The following ABCG2 variants were observed in gnomAD, a reference collection of about 807,000 sequenced individuals.
The protein encoded by ABCG2 is broad substrate specificity ATP-binding cassette transporter ABCG2.
In ABCG2, 80 loss-of-function variants were observed where a neutral mutation model predicts 73.5. The ratio of observed to expected loss-of-function variants is 1.09; its 90% CI spans 0.91 to 1.31. The LOEUF (loss-of-function observed/expected upper bound fraction) is 1.31, where lower values mean the gene tolerates loss of function less well. Among genes scored for constraint, ABCG2 ranks in the 50% most tolerant of loss-of-function variants. ABCG2 has a pLI of 0.00. For missense variants in ABCG2, 796 were observed against 786.2 expected (o/e 1.01, Z -0.15); for synonymous variants, 269 against 282.4 (o/e 0.95, Z 0.48).
upstream of ABCG2, chr4:88,163,575 C>A: frequency 6.0e-6 from 1 of 165,294 alleles, no homozygotes; most frequent in East Asian, 1.7e-4. Context: ...TTGGGCCAGG[C>A]AGAATGGCTC....
chr4:88,186,685 C>T (rs1057067991), intron 1 of ABCG2, among the ~76,000 whole-genome samples: 32 of 151,012 alleles, frequency 2.1e-4, no homozygotes, highest in African/African-American at 2.9e-4. Context: ...TTTGGGAGGC[C>T]GAGGCGGGCG....
Position 88,102,553 on chromosome 4 carries a change from G to A in ABCG2, c.1278-1234C>T, listed in dbSNP as rs530447382. Among the ~76,000 whole-genome samples the A allele has an allele frequency of 2.1e-3, 308 of 149,702 alleles. 3 individuals carry two copies. The Middle Eastern group carries it at 0.034, about 17-fold the overall frequency. On this transcript the variant is annotated intron_variant, in intron 10 of 15. Transcript: ENST00000237612. ...GGAGGTTGCAGTGAGCTGAGATCGCGCCACTGCACTCCAGCCTGGGTGACA... is the reference window on the plus strand; with the variant it reads ...GGAGGTTGCAGTGAGCTGAGATCGCACCACTGCACTCCAGCCTGGGTGACA...
chr4:88,179,076 T>C (rs1728122776), intron 1 of ABCG2, among the ~76,000 whole-genome samples: 1 of 152,082 alleles, frequency 6.6e-6, no homozygotes, highest in African/African-American at 2.4e-5. Flanking sequence ...GTGGTTACCA[T>C]GGGCCTTAGG....
intron 6 of ABCG2, among the ~76,000 whole-genome samples, chr4:88,120,627 G>A (rs1176381728): frequency 2.6e-5 from 4 of 152,086 alleles, no homozygotes; most frequent in East Asian, 3.8e-4. Flanking sequence ...TAGCCCCTTC[G>A]TTTTGGCCAA....
At chr4:88,183,756 C>CAA (rs556958786) in intron 1 of ABCG2, among the ~76,000 whole-genome samples, 2 of 129,982 alleles carry the variant, frequency 1.5e-5, no homozygotes, top group Non-Finnish European at 3.3e-5. Flanking sequence ...AAAGACACAT[C>CAA]AAAAAAAAAA....
intron 5 of ABCG2, among the ~76,000 whole-genome samples, chr4:88,130,801 G>A (rs780726613): frequency 7.2e-5 from 11 of 152,194 alleles, no homozygotes; most frequent in Non-Finnish European, 1.2e-4. Context: ...GGAGCATAAG[G>A]AAAGGCCAGG....
intron 10 of ABCG2, among the ~76,000 whole-genome samples, chr4:88,103,140 G>A (rs1722551994): frequency 6.6e-6 from 1 of 152,180 alleles, no homozygotes. Flanking sequence ...AGGCCTGGTA[G>A]ACATGCAGTT....
intron 1 of ABCG2, among the ~76,000 whole-genome samples, chr4:88,229,774 T>A (rs1730377591): frequency 6.6e-6 from 1 of 152,144 alleles, no homozygotes; most frequent in South Asian, 2.1e-4. Flanking sequence ...TCTTTTGGGT[T>A]AAATGCAACT....
At chr4:88,104,771 T>C (rs1722664678) in intron 10 of ABCG2, among the ~76,000 whole-genome samples, 1 of 152,062 alleles carries the variant, frequency 6.6e-6, no homozygotes, top group African/African-American at 2.4e-5. Flanking sequence ...CTGGGCAATA[T>C]TGTGAGATTC....
intron 5 of ABCG2, among the ~76,000 whole-genome samples, chr4:88,125,200 G>A (rs1724301781): frequency 6.6e-6 from 1 of 151,866 alleles, no homozygotes. Context: ...ACTGAGGCAG[G>A]AGAATGGTGT....
At chr4:88,143,498 C>T (rs572924072) in intron 1 of ABCG2, among the ~76,000 whole-genome samples, 3 of 152,230 alleles carry the variant, frequency 2.0e-5, no homozygotes, top group East Asian at 3.9e-4. Flanking sequence ...TAAAAGGCAA[C>T]AACTAGAGCT....
chr4:88,093,236 T>C (rs1231186936), intron 15 of ABCG2, among the ~76,000 whole-genome samples: 1 of 152,200 alleles, frequency 6.6e-6, no homozygotes, highest in African/African-American at 2.4e-5. Flanking sequence ...CCGGCTGCAG[T>C]GGCTCATGCC....
chr4:88,188,728 C>A (rs1728565498), intron 1 of ABCG2, among the ~76,000 whole-genome samples: 1 of 152,124 alleles, frequency 6.6e-6, no homozygotes, highest in African/African-American at 2.4e-5. Context: ...AATTTTAGAT[C>A]TTCCAGGCTG....
intron 1 of ABCG2, among the ~76,000 whole-genome samples, chr4:88,218,334 A>G (rs1729888839): frequency 6.6e-6 from 1 of 152,190 alleles, no homozygotes; most frequent in African/African-American, 2.4e-5. Flanking sequence ...TCCGTCTAGA[A>G]AGTGAGCTTC....
At position 88,094,529 on chromosome 4, in the gene ABCG2, A is replaced by G. The variant is rs755448305; in HGVS notation, c.1820+48T>C. On this transcript the variant is annotated intron_variant, in intron 15 of 15. Transcript: ENST00000237612. The stretch of plus-strand genomic sequence containing the variant: ...CTAAGCCCAGTAGCCTTTATACATC[A>G]CACCATGGTAGTAACAAAACCCATT... The G allele has an allele frequency of 1.9e-5, 29 of 1,508,888 alleles. No homozygotes were observed. In the Admixed American group the frequency reaches 4.9e-4, roughly 25 times the overall value. 93.5% of individuals were successfully genotyped at this position (1,508,888 alleles called of 1,614,324 possible). A position where few individuals can be genotyped will look rare whatever the true frequency, so the allele number is the denominator to read the frequency against.
chr4:88,139,758 T>C, intron 2 of ABCG2, 35 bp downstream of exon 2: 24 of 1,588,302 alleles, frequency 1.5e-5, no homozygotes, highest in Non-Finnish European at 2.1e-5. Flanking sequence ...GTAGGTAAAT[T>C]AAAAAGCTGT....
intron 2 of ABCG2, among the ~76,000 whole-genome samples, chr4:88,137,991 C>T (rs1290109780): frequency 6.6e-6 from 1 of 152,064 alleles, no homozygotes; most frequent in African/African-American, 2.4e-5. Flanking sequence ...CCCATCTCCA[C>T]ACACAGAAAA....
At position 88,139,812 on chromosome 4, in the gene ABCG2, CT is replaced by C. The variant is rs1725500049; in HGVS notation, c.183del (p.Glu62LysfsTer10). On this transcript the variant is annotated frameshift_variant, in exon 2 of 16. Transcript: ENST00000237612. LOFTEE classifies it high-confidence loss of function. Reference sequence around the variant, plus strand: ...ACATACTTGATATTCGATAATATTTCTTTCTCAACTGGTTTTCGACAAGGTA... The same window carrying C: ...ACATACTTGATATTCGATAATATTTCTTCTCAACTGGTTTTCGACAAGGTA... ...GFLPCRKPVE[K>X]EILSNINGIM... 1 of 1,613,800 alleles carries C rather than the reference CT, an allele frequency of 6.2e-7. No individual in the cohort carries two copies. The highest frequency in any genetic ancestry group is 8.5e-7 in the Non-Finnish European group (1 of 1,179,934).
At chr4:88,098,102 T>C (rs1473060909) in intron 12 of ABCG2, among the ~76,000 whole-genome samples, 1 of 152,224 alleles carries the variant, frequency 6.6e-6, no homozygotes, top group Non-Finnish European at 1.5e-5. Flanking sequence ...TGGATTGAAA[T>C]GAGACTAAAT....
Sources: allele counts gnomAD v4.1 joint callset (sites outside exome capture counted in the v4.1 genomes callset), GRCh38; gene constraint gnomAD v4.1.1; transcripts MANE v1.5; gene names NCBI Gene and HGNC (gene_info 2026-07-23, HGNC 2026-07-21).